Variants in CERKL observed in about 807,000 individuals in gnomAD.
CERKL encodes CERK like autophagy regulator.
CERKL carries 61 observed loss-of-function variants against 63.4 expected under a neutral mutation model. That is an observed-to-expected ratio of 0.96 (90% CI 0.78 to 1.19). CERKL has a LOEUF of 1.19. CERKL is among the 50% of genes most tolerant of loss of function. CERKL has a pLI of 0.00. For missense variants in CERKL, 675 were observed against 655.5 expected (o/e 1.03, Z -0.33); for synonymous variants, 250 against 230.5 (o/e 1.08, Z -0.77).
At chr2:181,651,016 G>C (rs1380847826) in intron 1 of CERKL, among the ~76,000 whole-genome samples, 1 of 152,192 alleles carries the variant, frequency 6.6e-6, no homozygotes, top group Admixed American at 6.5e-5. Flanking sequence ...CCAATAATAA[G>C]TGAGGAAATT....
In CERKL at chr2:181,556,017, G is replaced by T. The variant is rs373679475; in HGVS notation, c.820+2549C>A. ...ATCCACTACCTCGGCCTCCCAAAGT[G>T]CTGGGATTACAGGTATAAGCCACTG... On this transcript the variant is annotated intron_variant, in intron 5 of 12. Coordinates refer to ENST00000410087, the MANE Select transcript of CERKL (RefSeq NM_201548.5). Among the ~76,000 whole-genome samples, 62 of 151,992 alleles carry T rather than the reference G, an allele frequency of 4.1e-4. 3 individuals are homozygous for T. In the South Asian group the frequency reaches 0.013, roughly 32 times the overall value.
At chr2:181,587,336 T>G (rs1240997280) in intron 2 of CERKL, among the ~76,000 whole-genome samples, 1 of 152,154 alleles carries the variant, frequency 6.6e-6, no homozygotes, top group Non-Finnish European at 1.5e-5. Context: ...ATTAGCAGAA[T>G]CACCTGCTGC....
chr2:181,542,808 C>T (rs2105793784), intron 11 of CERKL, among the ~76,000 whole-genome samples: 1 of 152,178 alleles, frequency 6.6e-6, no homozygotes, highest in East Asian at 1.9e-4. Context: ...AAAACGTCTT[C>T]CTATCGATAC....
At chr2:181,544,822 A>C in intron 10 of CERKL, 26 bp from the exon 11 acceptor site, 1 of 1,426,490 alleles carries the variant, frequency 7.0e-7, no homozygotes, top group Non-Finnish European at 9.8e-7. Flanking sequence ...TCTATTAGAC[A>C]TCAAGAAATT....
Position 181,603,826 on chromosome 2 carries a change from G to A in CERKL, c.481+11C>T. On this transcript the variant is annotated intron_variant, in intron 2 of 12. Transcript: ENST00000410087. ...CTGGGCTGATTAAAATTTCCCATGA[G>A]GAGTACTTACCTGCCAATATTTTCT... 6.2e-7 allele frequency: 1 copy of A among 1,612,742 alleles called. No individual in the cohort carries two copies. The highest frequency in any genetic ancestry group is 8.5e-7 in the Non-Finnish European group (1 of 1,179,170).
chr2:181,647,220 A>C (rs1318870994), intron 1 of CERKL, among the ~76,000 whole-genome samples: 1 of 152,240 alleles, frequency 6.6e-6, no homozygotes, highest in African/African-American at 2.4e-5. Flanking sequence ...AAAATGGAAA[A>C]GGTCTAGAAA....
chr2:181,656,680 T>C, intron 1 of CERKL, 89 bp downstream of exon 1: 1 of 1,125,590 alleles, frequency 8.9e-7, no homozygotes, highest in South Asian at 1.6e-5. Flanking sequence ...AAGGGGAGGG[T>C]GGAGCAAAAG....
chr2:181,561,669 A>T (rs1292722412), intron 4 of CERKL, among the ~76,000 whole-genome samples: 1 of 152,146 alleles, frequency 6.6e-6, no homozygotes, highest in East Asian at 1.9e-4. Flanking sequence ...GAGAGATTTA[A>T]CTAAGAGTTT....
At position 181,537,306 on chromosome 2, in the gene CERKL, G is replaced by A. The variant is rs1277764091; in HGVS notation, c.*878C>T. 1 of 453,246 alleles carries A rather than the reference G, an allele frequency of 2.2e-6. No individual in the cohort carries two copies. The highest frequency in any genetic ancestry group is 6.9e-5 in the East Asian group (1 of 14,390). 28.1% of individuals were successfully genotyped at this position (453,246 alleles called of 1,614,324 possible). On this transcript the variant is annotated 3_prime_UTR_variant, in exon 13 of 13. Transcript: ENST00000410087. ...AACAACTATATATTTCAGGTTATCT[G>A]AGCACAGTGAAAGCAGAGTACTATG...
intron 1 of CERKL, among the ~76,000 whole-genome samples, chr2:181,643,846 G>A (rs986771343): frequency 4.6e-5 from 7 of 152,082 alleles, no homozygotes; most frequent in South Asian, 2.1e-4. Context: ...TTTCCTTTAC[G>A]GGAAATAATG....
At chr2:181,589,662 TA>T (rs1347858769) in intron 2 of CERKL, among the ~76,000 whole-genome samples, 2 of 152,102 alleles carry the variant, frequency 1.3e-5, no homozygotes, top group Non-Finnish European at 2.9e-5. Flanking sequence ...ATACAAAAAA[TA>T]AACTCCAAAT....
chr2:181,650,181 AAAAG>A (rs1687865214), intron 1 of CERKL: 2 of 151,392 alleles, frequency 1.3e-5, no homozygotes, highest in African/African-American at 4.9e-5. Flanking sequence ...AAGGAGAAAG[AAAAG>A]AAATAAACTA....
At chr2:181,571,520 AT>A (rs1049453477) in intron 3 of CERKL, among the ~76,000 whole-genome samples, 1 of 151,862 alleles carries the variant, frequency 6.6e-6, no homozygotes, top group African/African-American at 2.4e-5. Flanking sequence ...TTCCTTTTTA[AT>A]TTTAATTCTG....
chr2:181,645,009 CT>C (rs143591167), intron 1 of CERKL, among the ~76,000 whole-genome samples: 1 of 152,248 alleles, frequency 6.6e-6, no homozygotes, highest in African/African-American at 2.4e-5. Context: ...AAGAGTGTGT[CT>C]CTCATCCTGT....
intron 11 of CERKL, among the ~76,000 whole-genome samples, chr2:181,541,425 T>C (rs1993384): frequency 2.0e-5 from 3 of 152,178 alleles, no homozygotes; most frequent in African/African-American, 7.2e-5. Flanking sequence ...CCTTAGCCAA[T>C]GAATAAAATG....
chr2:181,634,253 CAGT>C (rs1324447649), intron 1 of CERKL, among the ~76,000 whole-genome samples: 1 of 152,030 alleles, frequency 6.6e-6, no homozygotes, highest in Admixed American at 6.6e-5. Context: ...AAAAAAGAAA[CAGT>C]AGATACCACC....
In CERKL at chr2:181,558,848, A is replaced by G. The variant is rs1023142358; in HGVS notation, c.678-140T>C. 3.8e-6 allele frequency: 3 copies of G among 794,986 alleles called. 1 individual carries two copies. The highest frequency in any genetic ancestry group is 3.0e-5 in the South Asian group (2 of 67,184). The allele number at this position is 794,986 out of a possible 1,614,324, so 49.2% of individuals were successfully genotyped here. A position where few individuals can be genotyped will look rare whatever the true frequency, so the allele number is the denominator to read the frequency against. On this transcript the variant is annotated intron_variant, in intron 4 of 12. Transcript: ENST00000410087. The surrounding 1 kb of genome is among the most constrained non-coding windows in gnomAD (Gnocchi z 4.2). ...CACATGTACCTTTAAACATGTTAAT[A>G]TGTGTCAATGGGTAAGACAACACAA...
At chr2:181,556,235 G>A (rs1688197268) in intron 5 of CERKL, among the ~76,000 whole-genome samples, 1 of 148,770 alleles carries the variant, frequency 6.7e-6, no homozygotes, top group African/African-American at 2.5e-5. Flanking sequence ...ATGTTCATAA[G>A]GCTGTATATT....
chr2:181,595,847 T>G (rs1031649339), intron 2 of CERKL, among the ~76,000 whole-genome samples: 4 of 152,224 alleles, frequency 2.6e-5, no homozygotes, highest in Non-Finnish European at 5.9e-5. Flanking sequence ...AACATATTTG[T>G]AGTTCTTGAT....
Sources: allele counts gnomAD v4.1 joint callset (sites outside exome capture counted in the v4.1 genomes callset), GRCh38; gene constraint gnomAD v4.1.1; non-coding constraint Gnocchi (gnomAD v3.1); transcripts MANE v1.5; gene names NCBI Gene and HGNC (gene_info 2026-07-23, HGNC 2026-07-21).